Variants in DOCK3 observed in about 807,000 individuals in gnomAD.
The protein encoded by DOCK3 is dedicator of cytokinesis 3.
DOCK3 carries 60 observed loss-of-function variants against 265.6 expected under a neutral mutation model. The observed-to-expected ratio is 0.23, with a 90% CI of 0.18 to 0.28. The LOEUF (loss-of-function observed/expected upper bound fraction) is 0.28, where lower values mean the gene tolerates loss of function less well. Ranked by LOEUF, DOCK3 falls within the 10% of genes least tolerant of loss-of-function variation. The pLI is 1.00. For synonymous variants in DOCK3, 881 were observed against 938.0 expected, an observed-to-expected ratio of 0.94 and a Z score of 1.11; for missense variants, 1,981 against 2,594.3, an observed-to-expected ratio of 0.76 and a Z score of 5.14.
At chr3:50,709,853 T>C (rs1207443931) in intron 1 of DOCK3, among the ~76,000 whole-genome samples, 1 of 152,032 alleles carries the variant, frequency 6.6e-6, no homozygotes, top group Non-Finnish European at 1.5e-5. Context: ...GTGGGCTTTA[T>C]CAGGTCAAGG....
intron 14 of DOCK3, among the ~76,000 whole-genome samples, chr3:51,225,206 G>C (rs1475454469): frequency 6.6e-6 from 1 of 152,170 alleles, no homozygotes; most frequent in African/African-American, 2.4e-5. Flanking sequence ...ATTACAAAAA[G>C]AAAGCATATA....
intron 3 of DOCK3, among the ~76,000 whole-genome samples, chr3:50,846,922 C>T (rs1382863015): frequency 6.6e-6 from 1 of 152,048 alleles, no homozygotes; most frequent in Non-Finnish European, 1.5e-5. Flanking sequence ...CTTTCTTAAT[C>T]TACCTAGCAG....
intron 5 of DOCK3, among the ~76,000 whole-genome samples, chr3:51,013,891 C>T (rs1482513861): frequency 6.6e-6 from 1 of 152,216 alleles, no homozygotes; most frequent in Non-Finnish European, 1.5e-5. Context: ...GACGCCCCTC[C>T]CCCAGCCATG....
intron 37 of DOCK3, 36 bp downstream of exon 37, chr3:51,339,064 G>A: frequency 2.0e-6 from 3 of 1,504,218 alleles, no homozygotes; most frequent in Admixed American, 2.1e-5. Flanking sequence ...GCCTGACCAT[G>A]AGGACAAACT....
At chr3:51,077,543 T>C (rs756465188) in intron 7 of DOCK3, among the ~76,000 whole-genome samples, 5 of 152,132 alleles carry the variant, frequency 3.3e-5, no homozygotes, top group Non-Finnish European at 5.9e-5. Context: ...GTTAGAACCA[T>C]AGTTGTAGAT....
chr3:50,832,663 A>G (rs2045255281), intron 2 of DOCK3, among the ~76,000 whole-genome samples: 1 of 152,068 alleles, frequency 6.6e-6, no homozygotes, highest in African/African-American at 2.4e-5. Flanking sequence ...CCTATTCAAG[A>G]TGGAGTTGCT....
chr3:50,826,895 T>G (rs1340341805), intron 2 of DOCK3, among the ~76,000 whole-genome samples: 1 of 152,066 alleles, frequency 6.6e-6, no homozygotes, highest in East Asian at 1.9e-4. Flanking sequence ...AAGAGGTGCA[T>G]TATTTGGTGG....
chr3:50,780,738 A>G lies in DOCK3; in HGVS notation c.121+1980A>G, dbSNP rs78209787. Among the ~76,000 whole-genome samples the G allele has an allele frequency of 3.0e-3, 461 of 152,218 alleles. 3 individuals carry two copies. The highest frequency in any genetic ancestry group is 0.011 in the African/African-American group (440 of 41,532). ...TTTTTGAAACTATATATTATTATTA[A>G]TTATAGTCATCTTATGTGGGATAGA... On this transcript the variant is annotated intron_variant, in intron 2 of 52. Transcript: ENST00000266037.
At chr3:51,221,790 G>A (rs1321852764) in intron 14 of DOCK3, among the ~76,000 whole-genome samples, 1 of 152,114 alleles carries the variant, frequency 6.6e-6, no homozygotes, top group Non-Finnish European at 1.5e-5. Flanking sequence ...GGGAGTCAGG[G>A]CTGCCCAAGG....
At chr3:51,281,210 GGAA>G (rs1369013995) in intron 27 of DOCK3, among the ~76,000 whole-genome samples, 1 of 149,550 alleles carries the variant, frequency 6.7e-6, no homozygotes, top group Non-Finnish European at 1.5e-5. Flanking sequence ...AGGCCACATT[GGAA>G]GAAGAATTGT....
At chr3:50,914,920 G>T (rs991540102) in intron 4 of DOCK3, among the ~76,000 whole-genome samples, 2 of 152,048 alleles carry the variant, frequency 1.3e-5, no homozygotes, top group Non-Finnish European at 2.9e-5. Flanking sequence ...TGGGTTCTAG[G>T]TGGATGTTAT....
intron 9 of DOCK3, among the ~76,000 whole-genome samples, chr3:51,104,522 A>G (rs2083203210): frequency 6.6e-6 from 1 of 152,200 alleles, no homozygotes; most frequent in Non-Finnish European, 1.5e-5. Flanking sequence ...TAATATAATA[A>G]TATCAGGAGA....
At chr3:51,170,236 A>G (rs1304274502) in intron 12 of DOCK3, among the ~76,000 whole-genome samples, 1 of 152,184 alleles carries the variant, frequency 6.6e-6, no homozygotes. Flanking sequence ...ATCTGACTTT[A>G]CTATCAGGAT....
Position 51,333,225 on chromosome 3 carries a change from C to T in DOCK3, c.3583C>T (p.Arg1195Cys), listed in dbSNP as rs765702093. Residue 1195 changes from arginine (R) to cysteine (C), a missense_variant, in exon 35 of 53, where the codon CGC (arginine) becomes TGC (cysteine). Coordinates refer to ENST00000266037, the MANE Select transcript of DOCK3 (RefSeq NM_004947.5). ...TGISFVTSVT[R>C]LMERLLDYRD... ...CATTTCCTTTGTGACCTCAGTCACC[C>T]GCCTCATGGAACGTCTTCTTGACTA... The T allele has an allele frequency of 9.3e-6, 15 of 1,613,394 alleles. No homozygotes were observed. Among genetic ancestry groups the T allele is most frequent in the East Asian group, 2.2e-5 (1 of 44,878 alleles).
At chr3:50,889,986 A>T (rs1354583008) in intron 3 of DOCK3, 40 bp from the exon 4 acceptor site, 1 of 1,368,614 alleles carries the variant, frequency 7.3e-7, no homozygotes, top group Non-Finnish European at 9.4e-7. Flanking sequence ...GTTAATCACA[A>T]TTTTATTTTT....
intron 27 of DOCK3, among the ~76,000 whole-genome samples, chr3:51,308,076 CT>C (rs1235261914): frequency 6.6e-6 from 1 of 151,852 alleles, no homozygotes; most frequent in Non-Finnish European, 1.5e-5. Flanking sequence ...CATTCTGTCC[CT>C]TCTAATGGCT....
At chr3:50,824,652 T>A (rs925517116) in intron 2 of DOCK3, among the ~76,000 whole-genome samples, 8 of 152,290 alleles carry the variant, frequency 5.3e-5, no homozygotes, top group African/African-American at 1.9e-4. Context: ...TTTGTAGAGA[T>A]GATAATGGAC....
intron 27 of DOCK3, among the ~76,000 whole-genome samples, chr3:51,283,473 C>T (rs920610670): frequency 6.6e-6 from 1 of 152,194 alleles, no homozygotes; most frequent in Non-Finnish European, 1.5e-5. Flanking sequence ...AGGGCTTTAT[C>T]CTCTAGAAGC....
chr3:51,016,536 GATATATATATTTATATATATCATATATT>G (rs1464797422), intron 5 of DOCK3, among the ~76,000 whole-genome samples: 1,330 of 40,946 alleles, frequency 0.032, 26 homozygotes, highest in Non-Finnish European at 0.038. Context: ...TATAATATAT[GATATATATATTTATATATATCATATATT>G]ATATATATAT....
Sources: allele counts gnomAD v4.1 joint callset (sites outside exome capture counted in the v4.1 genomes callset), GRCh38; gene constraint gnomAD v4.1.1; transcripts MANE v1.5; gene names NCBI Gene and HGNC (gene_info 2026-07-23, HGNC 2026-07-21).